MGAT4C: variants seen among roughly 807,000 people sequenced by gnomAD.
The protein encoded by MGAT4C is MGAT4 family member C.
A neutral mutation model predicts 40.1 loss-of-function variants in MGAT4C; 19 were observed. That is an observed-to-expected ratio of 0.47 (90% CI 0.33 to 0.70). MGAT4C has a LOEUF of 0.70. Among genes scored for constraint, MGAT4C ranks in the 30% least tolerant of loss-of-function variants. MGAT4C has a pLI of 0.02. For missense variants in MGAT4C, 491 were observed against 563.2 expected, an observed-to-expected ratio of 0.87 and a Z score of 1.30; for synonymous variants, 181 against 187.1, an observed-to-expected ratio of 0.97 and a Z score of 0.27.
intron 1 of MGAT4C, among the ~76,000 whole-genome samples, chr12:86,156,177 A>G (rs1884908781): frequency 6.6e-6 from 1 of 152,218 alleles, no homozygotes; most frequent in South Asian, 2.1e-4. Context: ...TGAGTTAAAC[A>G]GAATCTTTGG....
intron 2 of MGAT4C, among the ~76,000 whole-genome samples, chr12:86,652,099 G>A (rs1446323078): frequency 6.6e-6 from 1 of 151,748 alleles, no homozygotes; most frequent in African/African-American, 2.4e-5. Context: ...TACTTGCATT[G>A]CTTATGTTTA....
intron 1 of MGAT4C, among the ~76,000 whole-genome samples, chr12:86,244,902 C>A (rs1010519750): frequency 1.2e-4 from 18 of 152,198 alleles, no homozygotes; most frequent in African/African-American, 4.3e-4. Flanking sequence ...TAAGGGACAG[C>A]ATTTATCCAG....
At chr12:86,742,546 C>T (rs1035156766) in intron 1 of MGAT4C, among the ~76,000 whole-genome samples, 1 of 151,374 alleles carries the variant, frequency 6.6e-6, no homozygotes, top group African/African-American at 2.4e-5. Context: ...TAGTCAGATT[C>T]CCAGAATGAA....
chr12:86,187,828 C>G (rs2135890201), intron 1 of MGAT4C, among the ~76,000 whole-genome samples: 1 of 151,912 alleles, frequency 6.6e-6, no homozygotes, highest in Middle Eastern at 3.4e-3. Flanking sequence ...AGGTGCGCTT[C>G]ACTAAAAATA....
intron 2 of MGAT4C, among the ~76,000 whole-genome samples, chr12:86,596,890 C>CA (rs968585131): frequency 1.2e-4 from 18 of 152,008 alleles, no homozygotes; most frequent in Admixed American, 1.2e-3. Flanking sequence ...TTAGAGGCCC[C>CA]AAAAAAGCTT....
At chr12:86,351,988 T>A (rs529808571) in intron 3 of MGAT4C, among the ~76,000 whole-genome samples, 1 of 152,112 alleles carries the variant, frequency 6.6e-6, no homozygotes, top group East Asian at 1.9e-4. Flanking sequence ...TTATAATAAA[T>A]GTGCAAAAAT....
chr12:86,296,859 A>G (rs967413696), intron 4 of MGAT4C, among the ~76,000 whole-genome samples: 7 of 152,212 alleles, frequency 4.6e-5, no homozygotes, highest in African/African-American at 1.4e-4. Context: ...GTGGCGGGCC[A>G]AAGGGCTCCT....
chr12:86,068,981 C>T (rs1326036649), intron 1 of MGAT4C, among the ~76,000 whole-genome samples: 1 of 152,074 alleles, frequency 6.6e-6, no homozygotes, highest in African/African-American at 2.4e-5. Context: ...TCGAATTCAC[C>T]ACTCCAACCT....
At chr12:86,311,739 T>A (rs1459461303) in intron 4 of MGAT4C, among the ~76,000 whole-genome samples, 1 of 152,208 alleles carries the variant, frequency 6.6e-6, no homozygotes, top group East Asian at 1.9e-4. Context: ...GGGACATGGA[T>A]CAGGAGCTGG....
intron 1 of MGAT4C, among the ~76,000 whole-genome samples, chr12:86,740,646 T>G (rs186772413): frequency 5.7e-4 from 87 of 151,394 alleles, no homozygotes; most frequent in Non-Finnish European, 1.0e-3. Context: ...ACTTCTATAA[T>G]AGGTTTCTCA....
chr12:86,626,070 G>T (rs983170377), intron 2 of MGAT4C, among the ~76,000 whole-genome samples: 1 of 152,070 alleles, frequency 6.6e-6, no homozygotes, highest in Admixed American at 6.5e-5. Context: ...TAAAAGAATG[G>T]GGAAGTGGCT....
chr12:86,437,956 A>G (rs1957165738), intron 2 of MGAT4C, among the ~76,000 whole-genome samples: 1 of 151,914 alleles, frequency 6.6e-6, no homozygotes, highest in Non-Finnish European at 1.5e-5. Flanking sequence ...TAGCTGATCG[A>G]TAGCCCTACA....
chr12:86,645,552 C>A (rs1410431242), intron 2 of MGAT4C, among the ~76,000 whole-genome samples: 1 of 151,718 alleles, frequency 6.6e-6, no homozygotes, highest in Non-Finnish European at 1.5e-5. Context: ...GCAATAATTT[C>A]TATCCCTATA....
intron 2 of MGAT4C, among the ~76,000 whole-genome samples, chr12:86,459,952 T>A (rs900288191): frequency 1.3e-5 from 2 of 152,078 alleles, no homozygotes; most frequent in African/African-American, 4.8e-5. Flanking sequence ...TGACTTCCAA[T>A]GTTAACATTT....
chr12:86,480,292 TA>T (rs1957910546), intron 2 of MGAT4C, among the ~76,000 whole-genome samples: 1 of 151,612 alleles, frequency 6.6e-6, no homozygotes, highest in African/African-American at 2.4e-5. Flanking sequence ...AGAGAGGAAA[TA>T]TGTCTAGCTT....
At chr12:86,546,953 G>A (rs530339891) in intron 2 of MGAT4C, among the ~76,000 whole-genome samples, 9 of 151,956 alleles carry the variant, frequency 5.9e-5, no homozygotes, top group African/African-American at 1.9e-4. Flanking sequence ...TTTTGACTTC[G>A]AGGACATTTT....
At position 86,470,324 on chromosome 12, in the gene MGAT4C, C is replaced by T. The variant is rs533168460; in HGVS notation, c.-228-35059G>A. Among the ~76,000 whole-genome samples, 466 of 152,144 alleles carry T rather than the reference C, an allele frequency of 3.1e-3. 1 individual carries two copies. The highest frequency in any genetic ancestry group is 6.8e-3 in the Middle Eastern group (2 of 294). On this transcript the variant is annotated intron_variant, in intron 2 of 7. Coordinates refer to the MGAT4C transcript ENST00000548651. ...AGTACCCTTTGGTTCTCTCTCTTCCCTTTTTTTACTTATCTGAAATGAAAA... is the reference window on the plus strand; with the variant it reads ...AGTACCCTTTGGTTCTCTCTCTTCCTTTTTTTTACTTATCTGAAATGAAAA...
chr12:86,611,843 C>T (rs1320879520), intron 2 of MGAT4C, among the ~76,000 whole-genome samples: 2 of 152,072 alleles, frequency 1.3e-5, no homozygotes, highest in Non-Finnish European at 2.9e-5. Context: ...TTGTTAGCAA[C>T]CATGTTAACT....
chr12:86,085,766 G>A (rs1489380780), intron 1 of MGAT4C, among the ~76,000 whole-genome samples: 2 of 152,100 alleles, frequency 1.3e-5, no homozygotes. Flanking sequence ...ATACATTTAT[G>A]CAGCCAACAC....
Sources: allele counts gnomAD v4.1 joint callset (sites outside exome capture counted in the v4.1 genomes callset), GRCh38; gene constraint gnomAD v4.1.1; transcripts MANE v1.5; gene names NCBI Gene and HGNC (gene_info 2026-07-23, HGNC 2026-07-21).